The following PSG2 variants were observed in gnomAD, a reference collection of about 807,000 sequenced individuals.
PSG2 encodes the protein pregnancy specific beta-1-glycoprotein 2, also known as pregnancy-specific beta-1-glycoprotein 2.
In PSG2, 49 loss-of-function variants were observed where a neutral mutation model predicts 36.2. The ratio of observed to expected loss-of-function variants is 1.35; its 90% CI spans 1.08 to 1.72. The LOEUF is 1.72. PSG2 is among the 40% of genes most tolerant of loss of function. The pLI, the probability that PSG2 is intolerant of heterozygous loss-of-function variation, is 0.00. For synonymous variants in PSG2, 261 were observed against 155.6 expected, an observed-to-expected ratio of 1.68 and a Z score of -5.04; for missense variants, 605 against 407.2, an observed-to-expected ratio of 1.49 and a Z score of -4.18.
chr19:43,074,061 G>A (rs562191624), intron 3 of PSG2, among the ~76,000 whole-genome samples: 8 of 151,598 alleles, frequency 5.3e-5, no homozygotes, highest in African/African-American at 1.5e-4. Flanking sequence ...TGCTGCACTC[G>A]TTTATTTTTT....
intron 4 of PSG2, among the ~76,000 whole-genome samples, chr19:43,067,374 C>A (rs932549422): frequency 6.6e-6 from 1 of 150,812 alleles, no homozygotes; most frequent in Admixed American, 6.6e-5. Context: ...GATTCTTTGC[C>A]CTTAGCTTTT....
intron 3 of PSG2, among the ~76,000 whole-genome samples, chr19:43,072,982 G>A (rs1043214782): frequency 2.0e-5 from 3 of 151,694 alleles, no homozygotes; most frequent in African/African-American, 4.9e-5. Flanking sequence ...ATGTGCAACT[G>A]CTGGGCCCCT....
chr19:43,068,948 A>T (rs1225542483), intron 4 of PSG2, among the ~76,000 whole-genome samples: 4 of 151,696 alleles, frequency 2.6e-5, no homozygotes, highest in African/African-American at 4.9e-5. Context: ...GATAACTTGA[A>T]CTTATATGTA....
intron 1 of PSG2, 174 bp downstream of exon 1, chr19:43,082,332 G>A (rs1237738213): frequency 9.9e-7 from 1 of 1,009,762 alleles, no homozygotes; most frequent in Non-Finnish European, 1.4e-6. Context: ...AGTAGAGACA[G>A]GGCTACACTG....
At chr19:43,072,954 T>C (rs1967840878) in intron 3 of PSG2, among the ~76,000 whole-genome samples, 1 of 151,700 alleles carries the variant, frequency 6.6e-6, no homozygotes, top group Non-Finnish European at 1.5e-5. Flanking sequence ...CTGGCTCACC[T>C]TGGGTTCCTT....
At position 43,072,457 on chromosome 19, in the gene PSG2, G is replaced by T. The variant is rs1279890960; in HGVS notation, c.710-503C>A. On this transcript the variant is annotated intron_variant, in intron 3 of 5. Transcript: ENST00000406487. ...TTCTCGTGACACTGGGTAGAATGAG[G>T]ATCCTGTTTTCAATGGGTCGCTTTA... The T allele has an allele frequency of 1.4e-5, 23 of 1,611,570 alleles. 1 individual carries two copies. Among genetic ancestry groups the T allele is most frequent in the Non-Finnish European group, 1.8e-5 (21 of 1,179,626 alleles).
chr19:43,072,629 G>C lies in PSG2; in HGVS notation c.710-675C>G. ...GGTGATTTAGGGCTTGGGCAGCTTC[G>C]CTGTGTGGATAACAGAGAGAAGATT... is the stretch of plus-strand genomic sequence containing the variant. On this transcript the variant is annotated intron_variant, in intron 3 of 5. Coordinates refer to ENST00000406487, the MANE Select transcript of PSG2 (RefSeq NM_031246.4). The C allele has an allele frequency of 5.0e-6, 8 of 1,611,348 alleles. 1 individual carries two copies. Among genetic ancestry groups the C allele is most frequent in the Non-Finnish European group, 6.8e-6 (8 of 1,179,462 alleles).
rs1053679502 is a variant in PSG2 at position 43,081,363 on chromosome 19, A to G, written c.65-117T>C. 122 of 1,165,794 alleles carry G rather than the reference A, an allele frequency of 1.0e-4. 2 individuals carry two copies. In the African/African-American group the frequency reaches 1.8e-3, roughly 17 times the overall value. 72.2% of individuals were successfully genotyped at this position (1,165,794 alleles called of 1,614,324 possible). ...CTCAGCCTTGAAGACACACACACAC[A>G]CACACACACACACACACACACACAC... On this transcript the variant is annotated intron_variant, in intron 1 of 5. Coordinates refer to ENST00000406487, the MANE Select transcript of PSG2 (RefSeq NM_031246.4).
chr19:43,064,274 G>A lies in PSG2; in HGVS notation c.*368C>T, dbSNP rs766122786. The A allele has an allele frequency of 6.3e-5, 13 of 204,986 alleles. No individual in the cohort carries two copies. The highest frequency in any genetic ancestry group is 1.1e-4 in the Non-Finnish European group (11 of 100,546). The allele number at this position is 204,986 out of a possible 1,614,324, so 12.7% of individuals were successfully genotyped here. ...TACTCATGAATAGATTCCCAATTCT[G>A]GGGCACTCAGATAGAGAGCAAAAGG... On this transcript the variant is annotated 3_prime_UTR_variant, in exon 6 of 6. Coordinates refer to ENST00000406487, the MANE Select transcript of PSG2 (RefSeq NM_031246.4).
At chr19:43,074,980 G>A (rs1967872293) in intron 3 of PSG2, among the ~76,000 whole-genome samples, 1 of 151,606 alleles carries the variant, frequency 6.6e-6, no homozygotes, top group Non-Finnish European at 1.5e-5. Context: ...AAAGTCACAG[G>A]CACTATTGTC....
intron 4 of PSG2, among the ~76,000 whole-genome samples, chr19:43,067,196 C>G (rs868776891): frequency 7.9e-5 from 12 of 151,408 alleles, no homozygotes; most frequent in African/African-American, 2.2e-4. Context: ...ACTTCTTTCT[C>G]TTTGTTTTTC....
Position 43,071,902 on chromosome 19 carries a change from T to A in PSG2, c.762A>T (p.Gly254=). 1.2e-6 allele frequency: 2 copies of A among 1,612,716 alleles called. No individual in the cohort carries two copies. Among genetic ancestry groups the A allele is most frequent in the Non-Finnish European group, 1.7e-6 (2 of 1,179,300 alleles). Reference sequence around the variant, plus strand: ...CGAAGCAAGACAAGTAGAGGTTATCTCCTGAACGGTAATTGGTGTATGAAG... The same window carrying A: ...CGAAGCAAGACAAGTAGAGGTTATCACCTGAACGGTAATTGGTGTATGAAG... ...IHPSYTNYRS[G]DNLYLSCFAN... Residue 254 remains glycine, a synonymous_variant, in exon 4 of 6, where the codon GGA becomes GGT. Coordinates refer to ENST00000406487, the MANE Select transcript of PSG2 (RefSeq NM_031246.4).
chr19:43,079,421 C>A (rs1203691554), intron 2 of PSG2, among the ~76,000 whole-genome samples: 5 of 151,396 alleles, frequency 3.3e-5, no homozygotes, highest in African/African-American at 9.8e-5. Context: ...GTGGCTAGGA[C>A]CTCCTAGGAT....
intron 1 of PSG2, chr19:43,082,226 T>C (rs1200110489): frequency 3.0e-6 from 1 of 334,214 alleles, no homozygotes; most frequent in Non-Finnish European, 5.5e-6. Context: ...CTGCAACTTC[T>C]GCCTCCTGGG....
intron 3 of PSG2, chr19:43,072,265 C>T (rs1311794204): frequency 1.9e-6 from 3 of 1,569,434 alleles, no homozygotes; most frequent in Admixed American, 1.8e-5. Context: ...GTTGTCTATA[C>T]TTGGACCGGA....
At chr19:43,070,674 G>T (rs187567366) in intron 4 of PSG2, among the ~76,000 whole-genome samples, 14 of 151,748 alleles carry the variant, frequency 9.2e-5, no homozygotes, top group African/African-American at 3.2e-4. Context: ...AATTAGAATG[G>T]TGGGTGCTAA....
At chr19:43,079,798 T>C (rs1255284098) in intron 2 of PSG2, among the ~76,000 whole-genome samples, 2 of 151,618 alleles carry the variant, frequency 1.3e-5, no homozygotes, top group Non-Finnish European at 2.9e-5. Context: ...GAAGAGAGGA[T>C]TTGAGCCAAT....
intron 3 of PSG2, chr19:43,072,436 C>G (rs1967833067): frequency 6.2e-7 from 1 of 1,612,110 alleles, no homozygotes; most frequent in Non-Finnish European, 8.5e-7. Context: ...TTTCATTTCT[C>G]GTGACACTGG....
At chr19:43,065,187 G>A (rs1273877727) in intron 5 of PSG2, among the ~76,000 whole-genome samples, 3 of 151,572 alleles carry the variant, frequency 2.0e-5, no homozygotes, top group African/African-American at 4.9e-5. Context: ...AGAAGGTTTA[G>A]CATCACTTAT....
Sources: allele counts gnomAD v4.1 joint callset (sites outside exome capture counted in the v4.1 genomes callset), GRCh38; gene constraint gnomAD v4.1.1; transcripts MANE v1.5; gene names NCBI Gene and HGNC (gene_info 2026-07-23, HGNC 2026-07-21).